DAB1: variants seen among roughly 807,000 people sequenced by gnomAD.
DAB1 encodes the protein disabled homolog 1.
Under a neutral mutation model 64.6 loss-of-function variants are expected in DAB1, and 15 were observed. The ratio of observed to expected loss-of-function variants is 0.23; its 90% CI spans 0.16 to 0.36. The LOEUF is 0.36. Ranked by LOEUF, DAB1 falls within the 10% of genes least tolerant of loss-of-function variation. The probability of loss-of-function intolerance (pLI) is 1.00; values close to 1 mark genes in which losing one functional copy is unlikely to be tolerated. For synonymous variants in DAB1, 235 were observed against 251.9 expected (o/e 0.93, Z 0.64); for missense variants, 596 against 706.7 (o/e 0.84, Z 1.78).
intron 9 of DAB1, among the ~76,000 whole-genome samples, chr1:57,037,749 A>G (rs1181543821): frequency 6.6e-6 from 1 of 152,214 alleles, no homozygotes; most frequent in African/African-American, 2.4e-5. Context: ...GTGAACAGCC[A>G]CTTTCCCATT....
At chr1:57,296,337 C>A (rs2100683348) in intron 1 of DAB1, among the ~76,000 whole-genome samples, 1 of 152,200 alleles carries the variant, frequency 6.6e-6, no homozygotes, top group Non-Finnish European at 1.5e-5. Flanking sequence ...TGATATGCAA[C>A]TATTTCCTAT....
chr1:58,473,869 C>G, intron 3 of DAB1: 1 of 722,302 alleles, frequency 1.4e-6, no homozygotes, highest in Non-Finnish European at 2.2e-6. Context: ...GTTTCCTTCA[C>G]ATTTCAACTC....
intron 1 of DAB1, among the ~76,000 whole-genome samples, chr1:57,416,413 A>C (rs1684499630): frequency 6.6e-6 from 1 of 152,204 alleles, no homozygotes; most frequent in Non-Finnish European, 1.5e-5. Context: ...GAGTAATTAC[A>C]TAGCATTACA....
At chr1:58,386,341 G>GT (rs933095919) in intron 3 of DAB1, among the ~76,000 whole-genome samples, 6 of 152,168 alleles carry the variant, frequency 3.9e-5, no homozygotes, top group Admixed American at 2.6e-4. Context: ...ATGAGAAATG[G>GT]TAAGTTGGAG....
chr1:58,479,996 A>C (rs893545159), intron 3 of DAB1, among the ~76,000 whole-genome samples: 11 of 152,220 alleles, frequency 7.2e-5, no homozygotes, highest in Non-Finnish European at 1.5e-5. Context: ...TATTTCAAGA[A>C]AAATGCCCTT....
intron 1 of DAB1, among the ~76,000 whole-genome samples, chr1:57,835,801 C>A (rs1652784058): frequency 6.6e-6 from 1 of 152,212 alleles, no homozygotes; most frequent in South Asian, 2.1e-4. Context: ...TAAGCAGCCA[C>A]CAGATGCTGC....
intron 5 of DAB1, among the ~76,000 whole-genome samples, chr1:58,133,524 C>A (rs1653765847): frequency 6.6e-6 from 1 of 152,168 alleles, no homozygotes; most frequent in Non-Finnish European, 1.5e-5. Flanking sequence ...GAGATGGGGA[C>A]CCTGTCTTGT....
At chr1:57,565,440 A>T (rs1645106636) in intron 7 of DAB1, among the ~76,000 whole-genome samples, 1 of 152,208 alleles carries the variant, frequency 6.6e-6, no homozygotes, top group African/African-American at 2.4e-5. Flanking sequence ...CCTTAAATGT[A>T]AATGGGCTAA....
At chr1:57,936,350 T>C (rs555613082) in intron 5 of DAB1, among the ~76,000 whole-genome samples, 9 of 152,346 alleles carry the variant, frequency 5.9e-5, no homozygotes, top group African/African-American at 2.2e-4. Context: ...TTCCAACCCG[T>C]CTTCCTGGTC....
intron 1 of DAB1, among the ~76,000 whole-genome samples, chr1:57,879,828 C>T (rs1167216278): frequency 6.6e-6 from 1 of 152,170 alleles, no homozygotes; most frequent in East Asian, 1.9e-4. Context: ...AAGCCCATTG[C>T]AACTATATAA....
intron 2 of DAB1, among the ~76,000 whole-genome samples, chr1:58,518,229 AGG>A (rs1557450032): frequency 7.7e-3 from 21 of 2,734 alleles, no homozygotes; most frequent in Non-Finnish European, 0.013. Flanking sequence ...GAGAGGGGAG[AGG>A]GGAGAGGGGA....
chr1:57,094,429 A>C (rs748762703), intron 4 of DAB1, among the ~76,000 whole-genome samples: 27 of 152,194 alleles, frequency 1.8e-4, no homozygotes, highest in Non-Finnish European at 3.2e-4. Flanking sequence ...GCTTTCCCTT[A>C]TGTACATGCA....
rs1646027721 is a variant in DAB1, at chr1:57,980,158, T to C, written n.388-95996A>G. Among the ~76,000 whole-genome samples, 3 of 152,122 alleles carry C rather than the reference T, an allele frequency of 2.0e-5. No individual in the cohort carries two copies. The South Asian group carries it at 6.2e-4, about 32-fold the overall frequency. ...TTGGAATGCTATTTAAAGTTCATAATGCTATTTAAAGTTCATGGCAAGCTT... is the reference window on the plus strand; with the variant it reads ...TTGGAATGCTATTTAAAGTTCATAACGCTATTTAAAGTTCATGGCAAGCTT... On this transcript the variant is annotated intron_variant and non_coding_transcript_variant, in intron 5 of 20. Coordinates refer to the DAB1 transcript ENST00000485760.
chr1:57,079,250 T>C (rs1652260791), intron 4 of DAB1, among the ~76,000 whole-genome samples: 2 of 152,154 alleles, frequency 1.3e-5, no homozygotes, highest in Admixed American at 1.3e-4. Flanking sequence ...GTTTTTTCTT[T>C]CATATTCGAA....
chr1:57,957,464 C>T (rs1002078937), intron 5 of DAB1, among the ~76,000 whole-genome samples: 2 of 152,018 alleles, frequency 1.3e-5, no homozygotes, highest in East Asian at 3.8e-4. Context: ...AACATATTGG[C>T]TTTGAGATAT....
chr1:58,013,149 T>C (rs1322114037), intron 5 of DAB1, among the ~76,000 whole-genome samples: 1 of 152,186 alleles, frequency 6.6e-6, no homozygotes, highest in Non-Finnish European at 1.5e-5. Flanking sequence ...GAAACCTTTG[T>C]GGTATTAAGC....
intron 7 of DAB1, among the ~76,000 whole-genome samples, chr1:57,481,929 A>G (rs1644026516): frequency 6.6e-6 from 1 of 152,246 alleles, no homozygotes; most frequent in Admixed American, 6.5e-5. Context: ...GATCAAAGAA[A>G]TTAAACCACT....
intron 4 of DAB1, among the ~76,000 whole-genome samples, chr1:58,200,119 G>A (rs996922771): frequency 2.0e-5 from 3 of 152,180 alleles, no homozygotes; most frequent in African/African-American, 7.2e-5. Context: ...CACAGACACT[G>A]GTGAGCACTG....
At chr1:58,020,541 A>G (rs1292436005) in intron 5 of DAB1, among the ~76,000 whole-genome samples, 1 of 152,162 alleles carries the variant, frequency 6.6e-6, no homozygotes, top group Admixed American at 6.5e-5. Flanking sequence ...TCTCCAACAA[A>G]TGGACAACTT....
Sources: gnomAD v4.1 joint callset for allele counts (sites outside exome capture counted in the v4.1 genomes callset) on GRCh38, gnomAD v4.1.1 for gene constraint, MANE v1.5 for transcripts, NCBI Gene and HGNC (gene_info 2026-07-23, HGNC 2026-07-21) for gene names.